Variants in SOX6 observed in about 807,000 individuals in gnomAD.
SOX6 encodes transcription factor SOX-6.
Under a neutral mutation model 97.8 loss-of-function variants are expected in SOX6, and 11 were observed. The observed-to-expected ratio is 0.11, with a 90% confidence interval of 0.07 to 0.19. SOX6 has a LOEUF of 0.19. Among genes scored for constraint, SOX6 ranks in the 10% least tolerant of loss-of-function variants. The pLI is 1.00. For synonymous variants in SOX6, 360 were observed against 371.4 expected, an observed-to-expected ratio of 0.97 and a Z score of 0.35; for missense variants, 810 against 1,039.5, an observed-to-expected ratio of 0.78 and a Z score of 3.04.
intron 4 of SOX6, among the ~76,000 whole-genome samples, chr11:16,534,455 G>C (rs1861278536): frequency 6.6e-6 from 1 of 151,964 alleles, no homozygotes; most frequent in Admixed American, 6.6e-5. Flanking sequence ...TTGAAATAAA[G>C]GGCTTCCAAG....
At chr11:16,719,363 C>T (rs1848242143) in intron 2 of SOX6, among the ~76,000 whole-genome samples, 1 of 152,108 alleles carries the variant, frequency 6.6e-6, no homozygotes, top group Non-Finnish European at 1.5e-5. Context: ...GTAAAATAGC[C>T]TAGTCAATCA....
rs955983573 is a variant in SOX6, at chr11:16,501,482, C to T, written n.610-25094G>A. On this transcript the variant is annotated intron_variant and non_coding_transcript_variant, in intron 4 of 5. Coordinates refer to the SOX6 transcript ENST00000524520. ...AATGGGATCTAATTAAACTAAAGAG[C>T]TTCTGCACAGCAAAAGAAATTATCA... Among the ~76,000 whole-genome samples the T allele has an allele frequency of 2.6e-4, 39 of 152,192 alleles. 1 individual carries two copies. The highest frequency in any genetic ancestry group is 9.4e-4 in the African/African-American group (39 of 41,492).
intron 3 of SOX6, chr11:16,311,811 C>G (rs922268969): frequency 6.6e-6 from 1 of 152,134 alleles, no homozygotes; most frequent in African/African-American, 2.4e-5. Context: ...TACCATATAT[C>G]TCTTTTAGTA....
chr11:16,421,944 G>T (rs1859029093), intron 1 of SOX6, among the ~76,000 whole-genome samples: 1 of 152,136 alleles, frequency 6.6e-6, no homozygotes, highest in African/African-American at 2.4e-5. Context: ...AATTAACACA[G>T]CTTTTGCACA....
intron 9 of SOX6, among the ~76,000 whole-genome samples, chr11:16,072,099 T>C (rs750587402): frequency 1.3e-5 from 2 of 152,116 alleles, no homozygotes; most frequent in Non-Finnish European, 2.9e-5. Flanking sequence ...ATGGCTGAAA[T>C]GTCAAAAACA....
chr11:16,312,961 C>T (rs1279148979), intron 3 of SOX6: 1 of 152,126 alleles, frequency 6.6e-6, no homozygotes, highest in East Asian at 1.9e-4. Flanking sequence ...TCATTCAATC[C>T]ATCTATGGAT....
chr11:16,140,895 G>A (rs1267314233), intron 6 of SOX6, among the ~76,000 whole-genome samples: 1 of 152,096 alleles, frequency 6.6e-6, no homozygotes, highest in Non-Finnish European at 1.5e-5. Context: ...ATAATAACCA[G>A]AATAAAAAAT....
At chr11:16,200,652 T>C (rs1035460776) in intron 4 of SOX6, among the ~76,000 whole-genome samples, 10 of 152,324 alleles carry the variant, frequency 6.6e-5, no homozygotes, top group African/African-American at 2.4e-4. Flanking sequence ...ATGAAAAAAC[T>C]GTTATGTTCT....
intron 4 of SOX6, among the ~76,000 whole-genome samples, chr11:16,494,713 C>G (rs1156805715): frequency 6.6e-6 from 1 of 152,128 alleles, no homozygotes; most frequent in East Asian, 1.9e-4. Context: ...AGCAGCCTGC[C>G]TGGCAATATC....
chr11:16,413,508 TCTA>T (rs1858863476), intron 1 of SOX6, among the ~76,000 whole-genome samples: 1 of 146,116 alleles, frequency 6.8e-6, no homozygotes, highest in African/African-American at 2.5e-5. Context: ...TGAAAAGACT[TCTA>T]CTTTTTTTTT....
intron 4 of SOX6, among the ~76,000 whole-genome samples, chr11:16,210,960 T>C (rs1852208658): frequency 6.6e-6 from 1 of 152,188 alleles, no homozygotes; most frequent in African/African-American, 2.4e-5. Flanking sequence ...CCAAAGAAGA[T>C]GACTTTTCAG....
chr11:16,544,614 G>A (rs1847594879), intron 4 of SOX6, among the ~76,000 whole-genome samples: 1 of 152,142 alleles, frequency 6.6e-6, no homozygotes. Flanking sequence ...GACACTGGTA[G>A]TGGTTGCACA....
chr11:16,583,638 C>CATATATATATATATATATATAT (rs1329710047), intron 4 of SOX6, among the ~76,000 whole-genome samples: 8 of 104,618 alleles, frequency 7.6e-5, no homozygotes, highest in South Asian at 2.9e-4. Context: ...TATATATATA[C>CATATATATATATATATATATAT]ACATACACAC....
chr11:16,040,862 G>A (rs1394784045), intron 12 of SOX6, among the ~76,000 whole-genome samples: 3 of 152,002 alleles, frequency 2.0e-5, no homozygotes, highest in Admixed American at 6.6e-5. Flanking sequence ...GAATATATAT[G>A]TAATAATATA....
chr11:16,510,013 T>C (rs1200913432), intron 4 of SOX6, among the ~76,000 whole-genome samples: 6 of 152,102 alleles, frequency 3.9e-5, no homozygotes, highest in Non-Finnish European at 7.4e-5. Context: ...CTTATATCTG[T>C]CTTTTAAGAT....
At chr11:16,522,135 C>A (rs1214582974) in intron 4 of SOX6, among the ~76,000 whole-genome samples, 2 of 152,068 alleles carry the variant, frequency 1.3e-5, no homozygotes, top group Admixed American at 6.5e-5. Flanking sequence ...GAGAACGCCA[C>A]AAAGATACTC....
At chr11:16,172,063 C>A (rs1344159748) in intron 6 of SOX6, among the ~76,000 whole-genome samples, 1 of 151,694 alleles carries the variant, frequency 6.6e-6, no homozygotes, top group Non-Finnish European at 1.5e-5. Flanking sequence ...TTTGAGACTG[C>A]CTGAACCCAC....
At chr11:16,668,740 A>G (rs1484461133) in intron 3 of SOX6, among the ~76,000 whole-genome samples, 1 of 152,206 alleles carries the variant, frequency 6.6e-6, no homozygotes, top group African/African-American at 2.4e-5. Flanking sequence ...AGAAACTAAA[A>G]AGTGCAGGAG....
intron 2 of SOX6, among the ~76,000 whole-genome samples, chr11:16,328,928 T>C (rs140636698): frequency 1.3e-5 from 2 of 152,318 alleles, no homozygotes; most frequent in East Asian, 3.9e-4. Flanking sequence ...TAAAATGCTA[T>C]ATTTGGTTCT....
Sources: allele counts gnomAD v4.1 joint callset (sites outside exome capture counted in the v4.1 genomes callset), GRCh38; gene constraint gnomAD v4.1.1; transcripts MANE v1.5; gene names NCBI Gene and HGNC (gene_info 2026-07-23, HGNC 2026-07-21).